IQSEC1: variants seen among roughly 807,000 people sequenced by gnomAD.
IQSEC1 encodes the protein IQ motif and SEC7 domain-containing protein 1.
IQSEC1 carries 31 observed loss-of-function variants against 91.0 expected under a neutral mutation model. The observed-to-expected ratio is 0.34, with a 90% CI of 0.26 to 0.46. The LOEUF is 0.46. Ranked by LOEUF, IQSEC1 falls within the 20% of genes least tolerant of loss-of-function variation. The pLI is 1.00. For missense variants in IQSEC1, 1,388 were observed against 1,575.6 expected (o/e 0.88, Z 2.02); for synonymous variants, 699 against 662.6 (o/e 1.05, Z -0.84).
intron 1 of IQSEC1, among the ~76,000 whole-genome samples, chr3:12,968,736 G>A (rs147347191): frequency 4.9e-4 from 75 of 152,340 alleles, no homozygotes; most frequent in African/African-American, 1.6e-3. Flanking sequence ...AAGCAGATAT[G>A]GAACAATCAA....
At chr3:13,072,300 A>G (rs1332523756) in intron 1 of IQSEC1, among the ~76,000 whole-genome samples, 1 of 152,200 alleles carries the variant, frequency 6.6e-6, no homozygotes, top group African/African-American at 2.4e-5. Flanking sequence ...GCGCCCAGAG[A>G]GCTGTGAGGG....
chr3:13,134,447 G>A (rs1706674364), intron 2 of IQSEC1, among the ~76,000 whole-genome samples: 2 of 152,258 alleles, frequency 1.3e-5, no homozygotes. Context: ...CAGGAGCCTG[G>A]GCGTCCTGGA....
At chr3:13,181,663 T>C (rs1366801532) in intron 1 of IQSEC1, among the ~76,000 whole-genome samples, 1 of 152,124 alleles carries the variant, frequency 6.6e-6, no homozygotes, top group Non-Finnish European at 1.5e-5. Context: ...GCTGGTGCCA[T>C]GACACAGATG....
At chr3:13,283,181 C>G (rs1438892724) in exon 1 of IQSEC1, among the ~76,000 whole-genome samples, 2 of 146,106 alleles carry the variant, frequency 1.4e-5, no homozygotes, top group East Asian at 2.0e-4. Context: ...CTCCGCCGCC[C>G]GCTGCCCCGC....
intron 2 of IQSEC1, among the ~76,000 whole-genome samples, chr3:12,941,271 G>A (rs1472799754): frequency 6.6e-6 from 1 of 152,198 alleles, no homozygotes; most frequent in Non-Finnish European, 1.5e-5. Flanking sequence ...GGCCATGCGG[G>A]TCATGGAACC....
intron 2 of IQSEC1, among the ~76,000 whole-genome samples, chr3:13,098,497 G>A (rs1452033298): frequency 2.0e-5 from 3 of 152,296 alleles, no homozygotes; most frequent in Admixed American, 6.5e-5. Flanking sequence ...TAAGAATCAG[G>A]AGGGTCAAGA....
At position 13,234,581 on chromosome 3, in the gene IQSEC1, T is replaced by C. The variant is rs548346623; in HGVS notation, c.272+48130A>G. On this transcript the variant is annotated intron_variant, in intron 1 of 15. Transcript: ENST00000648114. The stretch of plus-strand genomic sequence containing the variant: ...TACTGCTGCTGCTGACACTAATACC[T>C]ACTTAAGTGGGCTGGTACGAGAAAA... Among the ~76,000 whole-genome samples the C allele has an allele frequency of 2.6e-5, 4 of 152,196 alleles. No homozygotes were observed. The East Asian group carries it at 5.8e-4, about 22-fold the overall frequency.
At position 12,936,281 on chromosome 3, in the gene IQSEC1, G is replaced by A; in HGVS notation, c.735C>T (p.Asn245=). The part of the protein sequence containing the change: ...SLAESIDDAL[N]CRSLHTEEAP... ...CCTCCTCAGTGTGCAGGCTGCGGCAGTTGAGGGCATCGTCGATGGACTCGG... is the reference window on the plus strand; with the variant it reads ...CCTCCTCAGTGTGCAGGCTGCGGCAATTGAGGGCATCGTCGATGGACTCGG... Residue 245 remains asparagine (N), a synonymous_variant, in exon 3 of 14, where the codon AAC becomes AAT. Coordinates refer to ENST00000613206, the MANE Select transcript of IQSEC1 (RefSeq NM_001134382.3). 1 of 1,613,356 alleles carries A rather than the reference G, an allele frequency of 6.2e-7. No individual in the cohort carries two copies. The highest frequency in any genetic ancestry group is 8.5e-7 in the Non-Finnish European group (1 of 1,179,984).
At position 13,211,901 on chromosome 3, in the gene IQSEC1, C is replaced by T. The variant is rs561992758; in HGVS notation, c.273-47768G>A. The stretch of plus-strand genomic sequence containing the variant: ...CTGGTTTCGTGTCCACAGAACCTTT[C>T]CGTGGCCAGAGGACCCGAAACCCCC... On this transcript the variant is annotated intron_variant, in intron 1 of 15. Coordinates refer to the IQSEC1 transcript ENST00000648114. The surrounding 1 kb of genome is among the most constrained non-coding windows in gnomAD (Gnocchi z 5.3). Among the ~76,000 whole-genome samples, 54 of 152,366 alleles carry T rather than the reference C, an allele frequency of 3.5e-4. 1 individual carries two copies. The highest frequency in any genetic ancestry group is 3.4e-3 in the Middle Eastern group (1 of 294).
intron 1 of IQSEC1, among the ~76,000 whole-genome samples, chr3:13,176,570 T>C (rs1379675597): frequency 6.6e-6 from 1 of 151,928 alleles, no homozygotes; most frequent in Non-Finnish European, 1.5e-5. Context: ...TGAAGCAAGC[T>C]CAAAACAAGC....
intron 1 of IQSEC1, among the ~76,000 whole-genome samples, chr3:13,052,030 A>C (rs768524952): frequency 1.9e-4 from 29 of 152,166 alleles, no homozygotes; most frequent in Non-Finnish European, 3.2e-4. Flanking sequence ...CCTGCAGTAC[A>C]CCATCAATGC....
intron 1 of IQSEC1, among the ~76,000 whole-genome samples, chr3:12,971,819 C>T (rs1406533957): frequency 4.6e-5 from 7 of 152,110 alleles, no homozygotes; most frequent in African/African-American, 7.2e-5. Context: ...GTCAGGAGTT[C>T]GAGACCAGCC....
intron 13 of IQSEC1, 102 bp downstream of exon 13, chr3:12,902,669 CCA>C (rs1694471158): frequency 2.7e-5 from 9 of 328,330 alleles, no homozygotes; most frequent in East Asian, 9.9e-5. Flanking sequence ...AAAAAAAAAA[CCA>C]AAAAAAAAAA....
At chr3:13,022,592 G>GA (rs1359690547) in intron 1 of IQSEC1, 12 of 361,410 alleles carry the variant, frequency 3.3e-5, no homozygotes, top group Non-Finnish European at 4.2e-5. Context: ...CTCAGAGAGA[G>GA]GGAGGCGGGC....
intron 1 of IQSEC1, among the ~76,000 whole-genome samples, chr3:13,185,802 C>T (rs964395824): frequency 1.3e-5 from 2 of 152,254 alleles, no homozygotes; most frequent in Non-Finnish European, 2.9e-5. Context: ...GAGATCCATT[C>T]TCCGAGGAGC....
In IQSEC1 at chr3:12,928,002, C is replaced by T. The variant is rs545561967; in HGVS notation, c.1569-3260G>A. ...CATGGAGAGGGGTCTGGCTTTCTCC[C>T]GAGTGGGCTGAGAAGCCCCAGTGTG... On this transcript the variant is annotated intron_variant, in intron 3 of 13. Coordinates refer to ENST00000613206, the MANE Select transcript of IQSEC1 (RefSeq NM_001134382.3). 3.9e-4 allele frequency among the ~76,000 whole-genome samples: 60 copies of T among 152,218 alleles called. 1 individual carries two copies. In the South Asian group the frequency reaches 0.01, roughly 26 times the overall value.
intron 2 of IQSEC1, among the ~76,000 whole-genome samples, chr3:13,123,965 C>T (rs963190170): frequency 3.3e-5 from 5 of 152,252 alleles, no homozygotes; most frequent in African/African-American, 4.8e-5. Flanking sequence ...AACGCAGCCA[C>T]ACCTGTTCAT....
intron 1 of IQSEC1, among the ~76,000 whole-genome samples, chr3:13,020,250 T>TGGGGCA (rs376181385): frequency 3.9e-5 from 6 of 152,128 alleles, no homozygotes; most frequent in African/African-American, 9.7e-5. Flanking sequence ...TCCCGGGGTC[T>TGGGGCA]GGGGCAGGGG....
rs1239944524 is a variant in IQSEC1 at position 13,282,311 on chromosome 3, G to A, written c.272+400C>T. On this transcript the variant is annotated intron_variant, in intron 1 of 15. Coordinates refer to the IQSEC1 transcript ENST00000648114. This position sits in a 1 kb window ranked among gnomAD's most constrained non-coding sequence, Gnocchi z 6.4. ...GCGCGGCCCGCGACCCCTCCCTACCGGTCTCGGGATCTCTGGGTCGGAAGT... is the reference window on the plus strand; with the variant it reads ...GCGCGGCCCGCGACCCCTCCCTACCAGTCTCGGGATCTCTGGGTCGGAAGT... 6.6e-6 allele frequency among the ~76,000 whole-genome samples: 1 copy of A among 152,066 alleles called. No homozygotes were observed. Among genetic ancestry groups the A allele is most frequent in the Non-Finnish European group, 1.5e-5 (1 of 67,982 alleles).
Sources: allele counts gnomAD v4.1 joint callset (sites outside exome capture counted in the v4.1 genomes callset), GRCh38; gene constraint gnomAD v4.1.1; non-coding constraint Gnocchi (gnomAD v3.1); transcripts MANE v1.5; gene names NCBI Gene and HGNC (gene_info 2026-07-23, HGNC 2026-07-21).